Variants in DPP6 observed in about 807,000 individuals in gnomAD.
The protein encoded by DPP6 is dipeptidyl peptidase like 6, also known as A-type potassium channel modulatory protein DPP6.
Under a neutral mutation model 122.6 loss-of-function variants are expected in DPP6, and 69 were observed. The ratio of observed to expected loss-of-function variants is 0.56; its 90% confidence interval spans 0.46 to 0.69. The LOEUF (loss-of-function observed/expected upper bound fraction) is 0.69. Among genes scored for constraint, DPP6 ranks in the 30% least tolerant of loss-of-function variants. DPP6 has a pLI of 0.00. For missense variants in DPP6, 928 were observed against 1,116.9 expected, an observed-to-expected ratio of 0.83 and a Z score of 2.41; for synonymous variants, 418 against 433.1, an observed-to-expected ratio of 0.97 and a Z score of 0.43.
At chr7:153,821,198 G>C in the DPP6 span, among the ~76,000 whole-genome samples, 4 of 152,228 alleles carry the variant, frequency 2.6e-5, no homozygotes, top group African/African-American at 9.6e-5. Flanking sequence ...TCCAAGGACA[G>C]AGATCCACTT....
intron 1 of DPP6, among the ~76,000 whole-genome samples, chr7:153,905,978 T>C (rs1057476338): frequency 5.3e-5 from 8 of 152,288 alleles, no homozygotes; most frequent in African/African-American, 1.9e-4. Flanking sequence ...ACATAAAAGT[T>C]GGAACAAAAT....
intron 4 of DPP6, among the ~76,000 whole-genome samples, chr7:154,549,587 C>T (rs1829476871): frequency 6.6e-6 from 1 of 152,144 alleles, no homozygotes; most frequent in African/African-American, 2.4e-5. Flanking sequence ...TATTATTTCC[C>T]TCTTTTGATT....
intron 5 of DPP6, among the ~76,000 whole-genome samples, chr7:154,613,682 C>T (rs1376416055): frequency 2.2e-5 from 3 of 134,386 alleles, no homozygotes; most frequent in East Asian, 2.1e-4. Flanking sequence ...TCAAATCAGA[C>T]ACTTGTTTGA....
Position 153,967,364 on chromosome 7 carries a change from C to CT in DPP6, c.51+79630_51+79631insT, listed in dbSNP as rs1795800454. On this transcript the variant is annotated intron_variant, in intron 1 of 25. Transcript: ENST00000404039. ...GGAGATGGCCTTGCAGTTTGAACTC[C>CT]AGGAGCTCCTAGGAGCCACTGTGGA... Among the ~76,000 whole-genome samples, 5 of 152,200 alleles carry CT rather than the reference C, an allele frequency of 3.3e-5. No homozygotes were observed. In the South Asian group the frequency reaches 1.0e-3, roughly 32 times the overall value.
chr7:154,492,872 C>A (rs1257760767), intron 3 of DPP6, among the ~76,000 whole-genome samples: 1 of 152,164 alleles, frequency 6.6e-6, no homozygotes, highest in Non-Finnish European at 1.5e-5. Context: ...TGAAGATCAG[C>A]AGTAAAATCT....
At chr7:153,972,269 G>A (rs1361057373) in intron 1 of DPP6, among the ~76,000 whole-genome samples, 9 of 149,842 alleles carry the variant, frequency 6.0e-5, no homozygotes, top group African/African-American at 2.0e-4. Context: ...ACCATTCTGG[G>A]GTTGATGTTT....
At chr7:154,708,897 A>G (rs1044685378) in intron 7 of DPP6, among the ~76,000 whole-genome samples, 1 of 152,006 alleles carries the variant, frequency 6.6e-6, no homozygotes, top group Admixed American at 6.6e-5. Flanking sequence ...AAAATACAAA[A>G]ATCAGCTGGG....
At chr7:153,977,368 T>C (rs1796362631) in intron 1 of DPP6, among the ~76,000 whole-genome samples, 1 of 152,216 alleles carries the variant, frequency 6.6e-6, no homozygotes, top group Admixed American at 6.5e-5. Flanking sequence ...TGCACAGCTG[T>C]GGCTGACAGC....
rs1484110423 is a variant in DPP6, at chr7:154,875,287, G to A, written c.1884-619G>A. Among the ~76,000 whole-genome samples, 1 of 152,170 alleles carries A rather than the reference G, an allele frequency of 6.6e-6. No individual in the cohort carries two copies. The highest frequency in any genetic ancestry group is 1.5e-5 in the Non-Finnish European group (1 of 68,034). On this transcript the variant is annotated intron_variant, in intron 19 of 25. Coordinates refer to ENST00000377770, the MANE Select transcript of DPP6 (RefSeq NM_130797.4). This position sits in a 1 kb window ranked among gnomAD's most constrained non-coding sequence, Gnocchi z 4.5. ...GATGCCTTTCAGCCAGCAGTGCTGG[G>A]CTCGCAAATGAAGAGCTGGGAGGAG...
intron 8 of DPP6, among the ~76,000 whole-genome samples, chr7:154,740,569 T>C (rs912623194): frequency 5.0e-4 from 76 of 152,342 alleles, no homozygotes; most frequent in African/African-American, 1.8e-3. Context: ...AATGCTAAAC[T>C]CCTTTCCGTC....
chr7:154,765,370 T>C (rs1416492285), intron 8 of DPP6, among the ~76,000 whole-genome samples: 1 of 151,940 alleles, frequency 6.6e-6, no homozygotes, highest in Non-Finnish European at 1.5e-5. Context: ...TCCAATGGAG[T>C]CCCCTGCAAA....
the DPP6 span, among the ~76,000 whole-genome samples, chr7:153,872,707 G>C: frequency 6.6e-6 from 1 of 152,136 alleles, no homozygotes; most frequent in Admixed American, 6.6e-5. Flanking sequence ...GGAAACTGAG[G>C]CATGGGGGCC....
intron 1 of DPP6, among the ~76,000 whole-genome samples, chr7:154,015,297 G>A (rs1179783896): frequency 6.6e-6 from 1 of 151,944 alleles, no homozygotes; most frequent in Non-Finnish European, 1.5e-5. Context: ...GTCTTCCCGC[G>A]TGACCTCTCA....
At chr7:154,354,953 T>G (rs984786571) in intron 1 of DPP6, among the ~76,000 whole-genome samples, 2 of 152,208 alleles carry the variant, frequency 1.3e-5, no homozygotes, top group Admixed American at 6.5e-5. Flanking sequence ...TGCACCAATT[T>G]ATACTCCCAT....
At chr7:154,708,254 G>A (rs1377830087) in intron 7 of DPP6, among the ~76,000 whole-genome samples, 1 of 152,154 alleles carries the variant, frequency 6.6e-6, no homozygotes, top group Non-Finnish European at 1.5e-5. Flanking sequence ...ACTACCATCA[G>A]TTTCTGTATA....
chr7:154,141,533 C>T (rs1448655049), intron 1 of DPP6, among the ~76,000 whole-genome samples: 1 of 152,230 alleles, frequency 6.6e-6, no homozygotes, highest in Admixed American at 6.5e-5. Context: ...ATCAATTAAT[C>T]AGTTAATCAG....
At chr7:154,429,180 T>TAAAAAAAAAA (rs34365501) in intron 1 of DPP6, among the ~76,000 whole-genome samples, 39 of 146,118 alleles carry the variant, frequency 2.7e-4, no homozygotes, top group African/African-American at 8.2e-4. Context: ...CTTAATCTGT[T>TAAAAAAAAAA]AAAAAAAAAA....
chr7:154,218,445 C>G (rs1341735296), intron 1 of DPP6, among the ~76,000 whole-genome samples: 2 of 152,218 alleles, frequency 1.3e-5, no homozygotes, highest in Non-Finnish European at 2.9e-5. Flanking sequence ...GTACCCTGCA[C>G]ATGTCGTTGT....
chr7:153,793,351 T>C, the DPP6 span, among the ~76,000 whole-genome samples: 1 of 145,448 alleles, frequency 6.9e-6, no homozygotes, highest in African/African-American at 2.5e-5. Flanking sequence ...CAAAGGTGAC[T>C]CTTGTTGTGT....
Sources: allele counts gnomAD v4.1 joint callset (sites outside exome capture counted in the v4.1 genomes callset), GRCh38; gene constraint gnomAD v4.1.1; non-coding constraint Gnocchi (gnomAD v3.1); transcripts MANE v1.5; gene names NCBI Gene and HGNC (gene_info 2026-07-23, HGNC 2026-07-21).